LRMDA: variants seen among roughly 807,000 people sequenced by gnomAD.
LRMDA encodes leucine rich melanocyte differentiation associated, also known as leucine-rich melanocyte differentiation-associated protein.
LRMDA carries 18 observed loss-of-function variants against 29.8 expected under a neutral mutation model. The observed-to-expected ratio is 0.60, with a 90% CI of 0.42 to 0.90. The LOEUF (loss-of-function observed/expected upper bound fraction) is 0.90. LRMDA is among the 40% of genes least tolerant of loss of function. LRMDA has a pLI of 0.00. For missense variants in LRMDA, 273 were observed against 273.9 expected, an observed-to-expected ratio of 1.00 and a Z score of 0.02; for synonymous variants, 125 against 109.4, an observed-to-expected ratio of 1.14 and a Z score of -0.89.
chr10:75,475,595 T>C (rs1326972056), intron 2 of LRMDA, among the ~76,000 whole-genome samples: 2 of 152,232 alleles, frequency 1.3e-5, no homozygotes, highest in Non-Finnish European at 2.9e-5. Flanking sequence ...CATGGTTTGG[T>C]ATCTAGGCTC....
rs116997255 is a variant in LRMDA at position 76,508,390 on chromosome 10, C to G, written c.602-48819C>G. Among the ~76,000 whole-genome samples, 50 of 152,250 alleles carry G rather than the reference C, an allele frequency of 3.3e-4. No individual in the cohort carries two copies. The East Asian group carries it at 6.4e-3, about 19-fold the overall frequency. The stretch of plus-strand genomic sequence containing the variant: ...TGGTGATTTTCTACTCTCATCACTT[C>G]TTATACATTTATTTCTCCAAATACT... On this transcript the variant is annotated intron_variant, in intron 6 of 6. Coordinates refer to ENST00000611255, the MANE Select transcript of LRMDA (RefSeq NM_001305581.2).
At chr10:76,267,511 T>G (rs1245524304) in intron 5 of LRMDA, among the ~76,000 whole-genome samples, 1 of 152,200 alleles carries the variant, frequency 6.6e-6, no homozygotes, top group Non-Finnish European at 1.5e-5. Flanking sequence ...TGGTAACCTC[T>G]ATTCTATTTC....
intron 2 of LRMDA, chr10:75,783,059 T>C: frequency 1.2e-6 from 2 of 1,612,980 alleles, no homozygotes; most frequent in Non-Finnish European, 1.7e-6. Context: ...AGAGTCGGTC[T>C]TTTCTGTCAG....
At chr10:76,108,029 T>G (rs768492107) in intron 5 of LRMDA, among the ~76,000 whole-genome samples, 4 of 152,146 alleles carry the variant, frequency 2.6e-5, no homozygotes, top group Non-Finnish European at 4.4e-5. Flanking sequence ...TCACCCACAG[T>G]AGAAGGCAGA....
At chr10:76,474,015 A>G (rs552025042) in intron 6 of LRMDA, among the ~76,000 whole-genome samples, 36 of 151,806 alleles carry the variant, frequency 2.4e-4, no homozygotes, top group African/African-American at 7.9e-4. Context: ...GAATACACAC[A>G]TAGATCAAAG....
chr10:76,013,949 T>C (rs966132518), intron 2 of LRMDA, among the ~76,000 whole-genome samples: 2 of 151,278 alleles, frequency 1.3e-5, no homozygotes, highest in Admixed American at 6.6e-5. Context: ...CAATGACTGA[T>C]GGCAGGAGGT....
intron 5 of LRMDA, among the ~76,000 whole-genome samples, chr10:76,203,453 T>G (rs1331828663): frequency 6.6e-6 from 1 of 152,248 alleles, no homozygotes; most frequent in Non-Finnish European, 1.5e-5. Context: ...AAAGTATTTT[T>G]TAATCTCTGT....
At chr10:76,053,537 G>T (rs1198274727) in intron 4 of LRMDA, among the ~76,000 whole-genome samples, 15 of 152,164 alleles carry the variant, frequency 9.9e-5, no homozygotes. Flanking sequence ...TTACACTCAG[G>T]ATTGAAGCTG....
intron 5 of LRMDA, among the ~76,000 whole-genome samples, chr10:76,206,606 G>A (rs746674599): frequency 6.6e-6 from 1 of 152,214 alleles, no homozygotes; most frequent in South Asian, 2.1e-4. Context: ...AATGCCTTTT[G>A]TGGGACTCTG....
At chr10:75,667,229 C>T (rs1430893051) in intron 2 of LRMDA, among the ~76,000 whole-genome samples, 1 of 151,994 alleles carries the variant, frequency 6.6e-6, no homozygotes, top group Admixed American at 6.6e-5. Flanking sequence ...AACCCCCCCC[C>T]CCAAGTAAGA....
At chr10:75,610,955 G>A (rs1185323430) in intron 2 of LRMDA, among the ~76,000 whole-genome samples, 3 of 152,152 alleles carry the variant, frequency 2.0e-5, no homozygotes, top group African/African-American at 7.2e-5. Flanking sequence ...TGTGTGTGGA[G>A]TAATGAACTA....
chr10:76,066,375 C>T (rs568338661), intron 5 of LRMDA, among the ~76,000 whole-genome samples: 107 of 152,306 alleles, frequency 7.0e-4, no homozygotes, highest in South Asian at 4.1e-3. Context: ...ACAATTTTAT[C>T]TCTAATTTTC....
chr10:76,541,319 G>A (rs978374618), intron 6 of LRMDA, among the ~76,000 whole-genome samples: 50 of 152,092 alleles, frequency 3.3e-4, no homozygotes, highest in Admixed American at 4.6e-4. Flanking sequence ...TAGCCAACAT[G>A]CCAAAACCTC....
At chr10:76,159,094 G>A (rs1434193794) in intron 5 of LRMDA, among the ~76,000 whole-genome samples, 2 of 152,062 alleles carry the variant, frequency 1.3e-5, no homozygotes, top group East Asian at 1.9e-4. Context: ...CATAGATGTT[G>A]AACTTTAAAA....
At chr10:75,768,901 G>T (rs1014873458) in intron 2 of LRMDA, among the ~76,000 whole-genome samples, 8 of 152,186 alleles carry the variant, frequency 5.3e-5, no homozygotes, top group Admixed American at 5.2e-4. Flanking sequence ...TGGTCACCTA[G>T]ACATCTCCTG....
intron 2 of LRMDA, among the ~76,000 whole-genome samples, chr10:75,816,696 G>C (rs574332163): frequency 3.3e-5 from 5 of 152,284 alleles, no homozygotes; most frequent in African/African-American, 1.2e-4. Context: ...CAAAAAGCAG[G>C]ATTTGTTAAA....
intron 2 of LRMDA, among the ~76,000 whole-genome samples, chr10:75,687,915 T>C (rs1842102032): frequency 6.6e-6 from 1 of 152,158 alleles, no homozygotes. Context: ...AACAACAAAG[T>C]GTAGATTAGA....
At chr10:76,052,233 G>A (rs1848541405) in intron 4 of LRMDA, among the ~76,000 whole-genome samples, 1 of 152,232 alleles carries the variant, frequency 6.6e-6, no homozygotes, top group African/African-American at 2.4e-5. Flanking sequence ...AGCATAGACT[G>A]CCGTAAACGG....
chr10:75,551,095 A>C, intron 2 of LRMDA, among the ~76,000 whole-genome samples: 1 of 151,716 alleles, frequency 6.6e-6, no homozygotes, highest in Admixed American at 6.6e-5. Flanking sequence ...GGAAAATGAA[A>C]ATATTCTGTT....
Sources: allele counts gnomAD v4.1 joint callset (sites outside exome capture counted in the v4.1 genomes callset), GRCh38; gene constraint gnomAD v4.1.1; transcripts MANE v1.5; gene names NCBI Gene and HGNC (gene_info 2026-07-23, HGNC 2026-07-21).